Variants in ZNF407 observed in about 807,000 individuals in gnomAD.
ZNF407 encodes zinc finger protein 407.
ZNF407 carries 17 observed loss-of-function variants against 131.2 expected under a neutral mutation model. The observed-to-expected ratio is 0.13, with a 90% confidence interval of 0.09 to 0.19. ZNF407 has a LOEUF of 0.19. Among genes scored for constraint, ZNF407 ranks in the 10% least tolerant of loss-of-function variants. ZNF407 has a pLI of 1.00. For synonymous variants in ZNF407, 1,156 were observed against 1,062.0 expected (o/e 1.09, Z -1.72); for missense variants, 2,681 against 2,830.6 (o/e 0.95, Z 1.20).
At chr18:74,625,384 C>T (rs1053709437) in intron 1 of ZNF407, among the ~76,000 whole-genome samples, 2 of 151,726 alleles carry the variant, frequency 1.3e-5, no homozygotes, top group Non-Finnish European at 2.9e-5. Flanking sequence ...GTATGTATGT[C>T]TTCCCTAAGT....
intron 8 of ZNF407, among the ~76,000 whole-genome samples, chr18:74,930,061 G>T (rs1197972559): frequency 6.6e-6 from 1 of 152,110 alleles, no homozygotes; most frequent in East Asian, 1.9e-4. Context: ...CGTATTCAGA[G>T]TTTATCATTT....
intron 7 of ZNF407, among the ~76,000 whole-genome samples, chr18:74,919,924 G>A (rs577107497): frequency 1.3e-5 from 2 of 152,246 alleles, no homozygotes; most frequent in Admixed American, 1.3e-4. Context: ...GCCCTCCGTT[G>A]CATTTTCCAT....
intron 3 of ZNF407, among the ~76,000 whole-genome samples, chr18:74,766,789 G>GCTGC (rs1438014835): frequency 1.3e-4 from 20 of 152,252 alleles, no homozygotes; most frequent in Non-Finnish European, 1.5e-4. Flanking sequence ...TTTTCTCTTT[G>GCTGC]CTGCCTGTAG....
chr18:74,858,305 A>G (rs1970888740), intron 4 of ZNF407, among the ~76,000 whole-genome samples: 1 of 151,932 alleles, frequency 6.6e-6, no homozygotes, highest in African/African-American at 2.4e-5. Flanking sequence ...GGTACCATCA[A>G]TATAATTTGT....
At chr18:74,850,068 C>T (rs1454235453) in intron 4 of ZNF407, among the ~76,000 whole-genome samples, 1 of 152,132 alleles carries the variant, frequency 6.6e-6, no homozygotes, top group Non-Finnish European at 1.5e-5. Context: ...GTGAATGGTA[C>T]ATTGTTTCTT....
At chr18:74,854,321 A>G (rs1368111032) in intron 4 of ZNF407, among the ~76,000 whole-genome samples, 5 of 152,178 alleles carry the variant, frequency 3.3e-5, no homozygotes, top group Admixed American at 6.5e-5. Context: ...ATGTTCTTTG[A>G]TTATATATAG....
intron 3 of ZNF407, among the ~76,000 whole-genome samples, chr18:74,650,770 GAAA>G (rs915834034): frequency 1.4e-4 from 21 of 152,100 alleles, no homozygotes; most frequent in Non-Finnish European, 2.2e-4. Flanking sequence ...TTAAGGTGTA[GAAA>G]AAAATTTACT....
At chr18:74,994,423 C>A (rs763261990) in intron 8 of ZNF407, among the ~76,000 whole-genome samples, 1 of 152,140 alleles carries the variant, frequency 6.6e-6, no homozygotes, top group Non-Finnish European at 1.5e-5. Context: ...GGGCTGTTTG[C>A]TGAAAAGCAT....
chr18:74,934,558 T>C (rs1432682580), intron 8 of ZNF407, among the ~76,000 whole-genome samples: 9 of 152,198 alleles, frequency 5.9e-5, no homozygotes, highest in Non-Finnish European at 1.2e-4. Flanking sequence ...CCTATAATCC[T>C]AGCACTTAGG....
chr18:74,647,412 C>G (rs1985021133), intron 3 of ZNF407, among the ~76,000 whole-genome samples: 2 of 152,140 alleles, frequency 1.3e-5, no homozygotes, highest in South Asian at 4.1e-4. Flanking sequence ...CCACTGCCCT[C>G]CAGCCTGGGC....
intron 3 of ZNF407, among the ~76,000 whole-genome samples, chr18:74,723,191 T>C (rs1265221771): frequency 6.6e-6 from 1 of 152,226 alleles, no homozygotes; most frequent in Non-Finnish European, 1.5e-5. Flanking sequence ...TTTGTTGAGA[T>C]TTTCTTTTAA....
chr18:74,977,370 T>A (rs951275111), intron 8 of ZNF407, among the ~76,000 whole-genome samples: 1 of 152,162 alleles, frequency 6.6e-6, no homozygotes, highest in African/African-American at 2.4e-5. Context: ...ACCACACACA[T>A]CCTGGTAAGA....
chr18:74,667,654 C>T (rs1193070759), intron 3 of ZNF407, among the ~76,000 whole-genome samples: 2 of 152,104 alleles, frequency 1.3e-5, no homozygotes, highest in Non-Finnish European at 2.9e-5. Context: ...TCATTGAGGC[C>T]GGGATTCTAC....
At chr18:74,627,825 T>C (rs1211179446) in intron 1 of ZNF407, among the ~76,000 whole-genome samples, 31 of 145,698 alleles carry the variant, frequency 2.1e-4, no homozygotes, top group South Asian at 6.9e-4. Context: ...TGCCCTGCCC[T>C]GCCCTGCCCC....
intron 8 of ZNF407, among the ~76,000 whole-genome samples, chr18:74,981,085 G>A (rs1972587403): frequency 6.6e-6 from 1 of 152,232 alleles, no homozygotes; most frequent in Non-Finnish European, 1.5e-5. Flanking sequence ...AGAGCTAGAA[G>A]CAGTGTTACT....
chr18:74,802,790 T>C (rs1200051130), intron 4 of ZNF407, among the ~76,000 whole-genome samples: 4 of 152,246 alleles, frequency 2.6e-5, no homozygotes, highest in Admixed American at 1.3e-4. Context: ...ATAGAGCTTT[T>C]GATGTTCCAG....
At chr18:75,034,623 G>A in intron 8 of ZNF407, among the ~76,000 whole-genome samples, 1 of 151,500 alleles carries the variant, frequency 6.6e-6, no homozygotes, top group African/African-American at 2.4e-5. Context: ...TTTAAATCAG[G>A]CTTCATTGGT....
At chr18:74,804,985 C>T (rs181558369) in intron 4 of ZNF407, among the ~76,000 whole-genome samples, 36 of 152,306 alleles carry the variant, frequency 2.4e-4, no homozygotes, top group African/African-American at 8.2e-4. Context: ...ACCGTTGTTT[C>T]AGTGACCCGA....
chr18:74,759,708 C>CT (rs957933081), intron 3 of ZNF407, among the ~76,000 whole-genome samples: 20 of 150,504 alleles, frequency 1.3e-4, no homozygotes, highest in African/African-American at 2.4e-4. Flanking sequence ...ATATATGCTT[C>CT]TTTTTTTTCA....
Sources: allele counts gnomAD v4.1 joint callset (sites outside exome capture counted in the v4.1 genomes callset), GRCh38; gene constraint gnomAD v4.1.1; transcripts MANE v1.5; gene names NCBI Gene and HGNC (gene_info 2026-07-23, HGNC 2026-07-21).